Variants in TBC1D10C observed in about 807,000 individuals in gnomAD.
TBC1D10C encodes the protein TBC1 domain family member 10C.
In TBC1D10C, 49 loss-of-function variants were observed where a neutral mutation model predicts 51.0. That is an observed-to-expected ratio of 0.96 (90% CI 0.76 to 1.22). The LOEUF (loss-of-function observed/expected upper bound fraction) is 1.22, where lower values mean the gene tolerates loss of function less well. Ranked by LOEUF, TBC1D10C falls within the 50% of genes most tolerant of loss-of-function variation. The pLI, the probability that TBC1D10C is intolerant of heterozygous loss-of-function variation, is 0.00. For missense variants in TBC1D10C, 541 were observed against 617.5 expected, an observed-to-expected ratio of 0.88 and a Z score of 1.31; for synonymous variants, 281 against 266.7, an observed-to-expected ratio of 1.05 and a Z score of -0.52.
intron 1 of TBC1D10C, chr11:67,404,820 C>T: frequency 2.1e-6 from 1 of 467,790 alleles, no homozygotes; most frequent in Non-Finnish European, 3.9e-6. Context: ...GTCTGTGTCC[C>T]TGTCCTGGGT....
chr11:67,405,673 G>A lies in TBC1D10C; in HGVS notation c.439G>A (p.Glu147Lys). ...RDLHRQFPLH[E>K]MFVSPQGHGQ... is the part of the protein sequence containing the mutation. ...CCTGCACCGTCAATTCCCTCTGCAC[G>A]AGATGTTTGTGTCGCCTCAGGGCCA... Residue 147 changes from glutamate to lysine, a missense_variant, in exon 4 of 9, where the codon GAG (glutamate) becomes AAG (lysine). Glu to Lys is a moderately conservative substitution (Grantham distance 56). Coordinates refer to ENST00000542590, the MANE Select transcript of TBC1D10C (RefSeq NM_001369496.1). 6.2e-6 allele frequency: 10 copies of A among 1,613,800 alleles called. No homozygotes were observed. The highest frequency in any genetic ancestry group is 3.3e-5 in the South Asian group (3 of 91,092).
rs754853858 is a variant in TBC1D10C, at chr11:67,405,421, G to C, written c.275G>C (p.Gly92Ala). 5.0e-6 allele frequency: 8 copies of C among 1,613,482 alleles called. No homozygotes were observed. Among genetic ancestry groups the C allele is most frequent in the African/African-American group, 1.3e-5 (1 of 74,932 alleles). The part of the protein sequence containing the change: ...YKKVKMQCRK[G>A]IPSALRARCW... ...CAGGTAAAGATGCAGTGCCGGAAAG[G>C]CATCCCGTCTGCCCTGCGCGCCCGA... Residue 92 changes from glycine to alanine, a missense_variant, in exon 3 of 9, where the codon GGC becomes GCC. Physicochemically the swap from Gly to Ala is moderately conservative, Grantham distance 60. Transcript: ENST00000542590.
chr11:67,409,873 AC>A lies in TBC1D10C; in HGVS notation c.*121del. 1.1e-6 allele frequency: 1 copy of A among 879,900 alleles called. No individual in the cohort carries two copies. Among genetic ancestry groups the A allele is most frequent in the Non-Finnish European group, 1.7e-6 (1 of 589,928 alleles). The allele number at this position is 879,900 out of a possible 1,614,324, so 54.5% of individuals were successfully genotyped here. A position where few individuals can be genotyped will look rare whatever the true frequency, so the allele number is the denominator to read the frequency against. On this transcript the variant is annotated 3_prime_UTR_variant, in exon 9 of 9. Transcript: ENST00000542590. Reference sequence around the variant, plus strand: ...GGACTTGGCTTCCTTCCTGGCAAGGACCAGGCAGTGGGGAAGGAGGAGGTCC... The same window carrying A: ...GGACTTGGCTTCCTTCCTGGCAAGGACAGGCAGTGGGGAAGGAGGAGGTCC...
In TBC1D10C at chr11:67,409,992, C is replaced by T; in HGVS notation, c.*238C>T. On this transcript the variant is annotated 3_prime_UTR_variant, in exon 9 of 9. Coordinates refer to ENST00000542590, the MANE Select transcript of TBC1D10C (RefSeq NM_001369496.1). ...ATGGAACCGTCCTGGTGCCCAGGCC[C>T]TCACAAGTACCAAAGCCAGCACCAA... 4 of 500,676 alleles carry T rather than the reference C, an allele frequency of 8.0e-6. No homozygotes were observed. The highest frequency in any genetic ancestry group is 3.5e-6 in the Non-Finnish European group (1 of 286,246). 31.0% of individuals were successfully genotyped at this position (500,676 alleles called of 1,614,324 possible). A position where few individuals can be genotyped will look rare whatever the true frequency, so the allele number is the denominator to read the frequency against.
chr11:67,405,470 C>G lies in TBC1D10C; in HGVS notation c.324C>G (p.Ala108=). 6.2e-7 allele frequency: 1 copy of G among 1,613,688 alleles called. No individual in the cohort carries two copies. Among genetic ancestry groups the G allele is most frequent in the Non-Finnish European group, 8.5e-7 (1 of 1,179,984 alleles). The part of the protein sequence containing the change: ...RARCWPLLCG[A]HVCQKNSPGT... ...GATGCTGGCCCCTGTTGTGTGGGGC[C>G]CATGTGTGCCAGAAGAACAGCCCTG... The change falls in exon 3 of 9, where the codon GCC becomes GCG. Residue 108 remains alanine (A), a synonymous_variant. Coordinates refer to ENST00000542590, the MANE Select transcript of TBC1D10C (RefSeq NM_001369496.1).
chr11:67,406,591 G>A, intron 5 of TBC1D10C, 36 bp from the exon 6 acceptor site: 1 of 1,536,502 alleles, frequency 6.5e-7, no homozygotes, highest in Non-Finnish European at 8.8e-7. Flanking sequence ...CTTCCTTGGT[G>A]AGCACTTACA....
chr11:67,404,130 G>A lies in TBC1D10C; in HGVS notation c.-73G>A. The stretch of plus-strand genomic sequence containing the variant: ...CTCTGACCCCGCAGCCAGGCCCCAG[G>A]CTGGCCGGGAGTGGCCCCTCACACT... On this transcript the variant is annotated 5_prime_UTR_variant, in exon 1 of 9. Coordinates refer to ENST00000542590, the MANE Select transcript of TBC1D10C (RefSeq NM_001369496.1). The A allele has an allele frequency of 1.4e-6, 2 of 1,391,630 alleles. No homozygotes were observed. Among genetic ancestry groups the A allele is most frequent in the Non-Finnish European group, 9.3e-7 (1 of 1,071,196 alleles). The allele number at this position is 1,391,630 out of a possible 1,614,324, so 86.2% of individuals were successfully genotyped here.
Position 67,409,865 on chromosome 11 carries a change from T to A in TBC1D10C, c.*111T>A. Reference sequence around the variant, plus strand: ...GGACTCGGGGACTTGGCTTCCTTCCTGGCAAGGACCAGGCAGTGGGGAAGG... The same window carrying A: ...GGACTCGGGGACTTGGCTTCCTTCCAGGCAAGGACCAGGCAGTGGGGAAGG... On this transcript the variant is annotated 3_prime_UTR_variant, in exon 9 of 9. Transcript: ENST00000542590. 1 of 961,618 alleles carries A rather than the reference T, an allele frequency of 1.0e-6. No homozygotes were observed. Among genetic ancestry groups the A allele is most frequent in the Non-Finnish European group, 1.5e-6 (1 of 662,142 alleles). The allele number at this position is 961,618 out of a possible 1,614,324, so 59.6% of individuals were successfully genotyped here.
intron 7 of TBC1D10C, chr11:67,408,050 G>A (rs1863267091): frequency 6.6e-6 from 1 of 152,272 alleles, no homozygotes; most frequent in Non-Finnish European, 1.5e-5. Context: ...ACACTACACA[G>A]GCTCCCTTTA....
intron 4 of TBC1D10C, 67 bp downstream of exon 4, chr11:67,405,768 C>G (rs1204496570): frequency 6.3e-7 from 1 of 1,589,012 alleles, no homozygotes; most frequent in Non-Finnish European, 8.6e-7. Flanking sequence ...CCCACTTTCC[C>G]TAGCCCAGCT....
In TBC1D10C at chr11:67,409,320, C is replaced by T. The variant is rs989952987; in HGVS notation, c.994-87C>T. 8 of 1,450,044 alleles carry T rather than the reference C, an allele frequency of 5.5e-6. No homozygotes were observed. The Admixed American group carries it at 6.6e-5, about 12-fold the overall frequency. The allele number at this position is 1,450,044 out of a possible 1,614,324, so 89.8% of individuals were successfully genotyped here. A position where few individuals can be genotyped will look rare whatever the true frequency, so the allele number is the denominator to read the frequency against. Reference sequence around the variant, plus strand: ...CCAGTGAGGCTGTCAGCCCCTCAGTCCTCAGCCACTTCCTGGGCTGGGGAC... The same window carrying T: ...CCAGTGAGGCTGTCAGCCCCTCAGTTCTCAGCCACTTCCTGGGCTGGGGAC... On this transcript the variant is annotated intron_variant, in intron 8 of 8. Transcript: ENST00000542590.
At position 67,405,680 on chromosome 11, in the gene TBC1D10C, T is replaced by C. The variant is rs1312870899; in HGVS notation, c.446T>C (p.Phe149Ser). ...LHRQFPLHEM[F>S]VSPQGHGQQG... Reference sequence around the variant, plus strand: ...CGTCAATTCCCTCTGCACGAGATGTTTGTGTCGCCTCAGGGCCACGGGTAC... The same window carrying C: ...CGTCAATTCCCTCTGCACGAGATGTCTGTGTCGCCTCAGGGCCACGGGTAC... Residue 149 changes from phenylalanine (F) to serine (S), a missense_variant, in exon 4 of 9, where the codon TTT becomes TCT. Transcript: ENST00000542590. The C allele has an allele frequency of 3.1e-6, 5 of 1,613,776 alleles. No individual in the cohort carries two copies. Among genetic ancestry groups the C allele is most frequent in the Admixed American group, 1.7e-5 (1 of 60,018 alleles).
chr11:67,406,020 G>A lies in TBC1D10C; in HGVS notation c.582+3G>A. 1 of 1,568,758 alleles carries A rather than the reference G, an allele frequency of 6.4e-7. No individual in the cohort carries two copies. Among genetic ancestry groups the A allele is most frequent in the South Asian group, 1.2e-5 (1 of 85,588 alleles). On this transcript the variant is annotated splice_donor_region_variant and intron_variant, in intron 5 of 8. Coordinates refer to ENST00000542590, the MANE Select transcript of TBC1D10C (RefSeq NM_001369496.1). ...TGCTCATGCACCTGCCCCCAGAGGT[G>A]AGTGACCTTGACCCTGCTCTGGGAA...
Position 67,406,864 on chromosome 11 carries a change from T to C in TBC1D10C, c.686T>C (p.Leu229Pro). The stretch of plus-strand genomic sequence containing the variant: ...CTGGACGCCGAGGTGTTCATGGCCC[T>C]GCTGCGGCGGCTGCTTCCGCACGTG... ...VRLDAEVFMA[L>P]LRRLLPHVHK... The change falls in exon 7 of 9, where the codon CTG becomes CCG. Residue 229 changes from leucine (L) to proline (P), a missense_variant. Leu to Pro is a moderately conservative substitution (Grantham distance 98). Coordinates refer to ENST00000542590, the MANE Select transcript of TBC1D10C (RefSeq NM_001369496.1). The C allele has an allele frequency of 2.5e-6, 4 of 1,610,490 alleles. No individual in the cohort carries two copies. Among genetic ancestry groups the C allele is most frequent in the Non-Finnish European group, 3.4e-6 (4 of 1,179,578 alleles).
intron 7 of TBC1D10C, chr11:67,408,628 TC>T (rs1863295008): frequency 4.5e-6 from 1 of 221,278 alleles, no homozygotes; most frequent in Admixed American, 6.1e-5. Flanking sequence ...GAGGTGCTCC[TC>T]CCCGGAGCCC....
intron 5 of TBC1D10C, 73 bp from the exon 6 acceptor site, chr11:67,406,554 C>G: frequency 7.3e-7 from 1 of 1,376,732 alleles, no homozygotes; most frequent in South Asian, 1.2e-5. Flanking sequence ...ACTCCTTTCC[C>G]CTGTCCTGCC....
At chr11:67,408,661 G>C (rs1213419028) in intron 7 of TBC1D10C, 1 of 272,444 alleles carries the variant, frequency 3.7e-6, no homozygotes, top group Non-Finnish European at 6.9e-6. Context: ...CTGGGTGCTT[G>C]CTGGCTCCAG....
rs182669092 is a variant in TBC1D10C, at chr11:67,408,613, G to A, written c.839-366G>A. ...ATGGAGGCCTGACTGGCTCAGGGAG[G>A]GTAGGAGGTGCTCCTCCCCGGAGCC... On this transcript the variant is annotated intron_variant, in intron 7 of 8. Transcript: ENST00000542590. 31 of 207,188 alleles carry A rather than the reference G, an allele frequency of 1.5e-4. No individual in the cohort carries two copies. In the Admixed American group the frequency reaches 1.6e-3, roughly 11 times the overall value. 12.8% of individuals were successfully genotyped at this position (207,188 alleles called of 1,614,324 possible).
intron 4 of TBC1D10C, 39 bp downstream of exon 4, chr11:67,405,740 A>G (rs1863132820): frequency 2.5e-6 from 4 of 1,607,822 alleles, no homozygotes; most frequent in African/African-American, 1.3e-5. Context: ...CCAGCCCCAC[A>G]AGCCCCAGGT....
Sources: gnomAD v4.1 joint callset for allele counts on GRCh38, gnomAD v4.1.1 for gene constraint, MANE v1.5 for transcripts, NCBI Gene and HGNC (gene_info 2026-07-23, HGNC 2026-07-21) for gene names.